RPS6KC1: variants seen among roughly 807,000 people sequenced by gnomAD.
The protein encoded by RPS6KC1 is ribosomal protein S6 kinase C1, also known as inactive ribosomal protein S6 kinase delta-1.
In RPS6KC1, 54 loss-of-function variants were observed where a neutral mutation model predicts 103.8. The observed-to-expected ratio is 0.52, with a 90% CI of 0.42 to 0.65. The LOEUF (loss-of-function observed/expected upper bound fraction) is 0.65. RPS6KC1 is among the 30% of genes least tolerant of loss of function. The probability of loss-of-function intolerance (pLI) is 0.00; values close to 1 mark genes in which losing one functional copy is unlikely to be tolerated. For missense variants in RPS6KC1, 1,151 were observed against 1,253.8 expected, an observed-to-expected ratio of 0.92 and a Z score of 1.24; for synonymous variants, 439 against 438.7, an observed-to-expected ratio of 1.00 and a Z score of -0.01.
the RPS6KC1 span, among the ~76,000 whole-genome samples, chr1:213,516,005 T>A: frequency 2.0e-5 from 3 of 152,068 alleles, no homozygotes; most frequent in African/African-American, 4.8e-5. Flanking sequence ...GTGAATGGGA[T>A]TTCACTCATG....
rs780338157 is a variant in RPS6KC1 at position 213,167,981 on chromosome 1, T to C, written c.951+8T>C. The C allele has an allele frequency of 3.2e-6, 5 of 1,567,244 alleles. No individual in the cohort carries two copies. Among genetic ancestry groups the C allele is most frequent in the African/African-American group, 2.7e-5 (2 of 73,920 alleles). On this transcript the variant is annotated splice_region_variant and intron_variant, in intron 7 of 14. Coordinates refer to ENST00000366960, the MANE Select transcript of RPS6KC1 (RefSeq NM_012424.6). ...CTTGATGATGTATCTCAGGTATGTCTCATATTTTGTTGTGTGTTTTCTTCA... is the reference window on the plus strand; with the variant it reads ...CTTGATGATGTATCTCAGGTATGTCCCATATTTTGTTGTGTGTTTTCTTCA...
the RPS6KC1 span, among the ~76,000 whole-genome samples, chr1:213,503,125 TG>T: frequency 2.6e-5 from 4 of 152,080 alleles, no homozygotes; most frequent in African/African-American, 9.7e-5. Flanking sequence ...TTTTTCTCTA[TG>T]GCTGTTCCAT....
chr1:213,353,021 C>G, the RPS6KC1 span, among the ~76,000 whole-genome samples: 5 of 152,232 alleles, frequency 3.3e-5, no homozygotes, highest in Non-Finnish European at 5.9e-5. Flanking sequence ...GGGCTCTCCT[C>G]AGGCATTTAC....
At chr1:213,808,832 T>C in the RPS6KC1 span, among the ~76,000 whole-genome samples, 2 of 152,160 alleles carry the variant, frequency 1.3e-5, no homozygotes, top group Non-Finnish European at 2.9e-5. Context: ...ATGAACCCGG[T>C]ACCTCAGATG....
At chr1:213,745,163 G>A in the RPS6KC1 span, among the ~76,000 whole-genome samples, 1 of 151,922 alleles carries the variant, frequency 6.6e-6, no homozygotes, top group South Asian at 2.1e-4. Flanking sequence ...CATTCTGATG[G>A]AAGAAAAATA....
At chr1:213,830,647 T>C in the RPS6KC1 span, among the ~76,000 whole-genome samples, 1 of 131,114 alleles carries the variant, frequency 7.6e-6, no homozygotes, top group Non-Finnish European at 1.6e-5. Flanking sequence ...TAAATGACAA[T>C]AGAAAGGTCC....
At chr1:213,535,143 A>G in the RPS6KC1 span, among the ~76,000 whole-genome samples, 3 of 152,332 alleles carry the variant, frequency 2.0e-5, no homozygotes, top group East Asian at 3.9e-4. Flanking sequence ...TCCTCTTTAG[A>G]CATTGGGCCC....
the RPS6KC1 span, among the ~76,000 whole-genome samples, chr1:213,332,284 A>C: frequency 6.6e-6 from 1 of 152,342 alleles, no homozygotes; most frequent in Admixed American, 6.5e-5. Flanking sequence ...GGTTGAATTC[A>C]GTGTATTAAG....
intron 8 of RPS6KC1, among the ~76,000 whole-genome samples, chr1:213,220,305 T>G (rs1382860681): frequency 6.6e-6 from 1 of 152,188 alleles, no homozygotes; most frequent in Non-Finnish European, 1.5e-5. Context: ...AGATCAGAAT[T>G]AACACAAAAA....
At chr1:213,833,997 T>C in the RPS6KC1 span, among the ~76,000 whole-genome samples, 1 of 152,206 alleles carries the variant, frequency 6.6e-6, no homozygotes, top group African/African-American at 2.4e-5. Context: ...AAAATGAGGT[T>C]AAATAAATTA....
At chr1:213,644,944 G>T in the RPS6KC1 span, among the ~76,000 whole-genome samples, 339 of 152,276 alleles carry the variant, frequency 2.2e-3, 1 homozygote, top group African/African-American at 7.8e-3. Flanking sequence ...TTATTGAAGG[G>T]CATTGTTACT....
chr1:213,318,711 A>G, the RPS6KC1 span, among the ~76,000 whole-genome samples: 1 of 151,302 alleles, frequency 6.6e-6, no homozygotes, highest in Admixed American at 6.6e-5. Context: ...GTGCAGGGAA[A>G]CTCCCCCTTC....
the RPS6KC1 span, among the ~76,000 whole-genome samples, chr1:213,693,493 A>T: frequency 6.6e-6 from 1 of 152,320 alleles, no homozygotes; most frequent in Non-Finnish European, 1.5e-5. Context: ...ACATTCAGTG[A>T]TTGACAAGGC....
At chr1:213,248,326 C>T (rs1003090091) in intron 12 of RPS6KC1, among the ~76,000 whole-genome samples, 7 of 152,052 alleles carry the variant, frequency 4.6e-5, no homozygotes, top group African/African-American at 1.7e-4. Flanking sequence ...TACCCTTAAG[C>T]AAAACTTCAG....
intron 3 of RPS6KC1, among the ~76,000 whole-genome samples, chr1:213,097,437 CA>C (rs1256078489): frequency 6.6e-6 from 1 of 152,208 alleles, no homozygotes; most frequent in East Asian, 1.9e-4. Context: ...ATGCTATTAA[CA>C]GATGCACTGT....
chr1:213,697,446 T>C, the RPS6KC1 span, among the ~76,000 whole-genome samples: 1 of 152,234 alleles, frequency 6.6e-6, no homozygotes, highest in Non-Finnish European at 1.5e-5. Context: ...TTGGAGTGGG[T>C]TACTGAAGAG....
the RPS6KC1 span, among the ~76,000 whole-genome samples, chr1:213,347,193 G>A: frequency 1.3e-5 from 2 of 152,170 alleles, no homozygotes. Flanking sequence ...CTAGCAAGGA[G>A]TTGGATGCAA....
At chr1:213,567,867 G>A in the RPS6KC1 span, among the ~76,000 whole-genome samples, 7 of 152,132 alleles carry the variant, frequency 4.6e-5, no homozygotes, top group African/African-American at 1.7e-4. Context: ...CCCATCCCTG[G>A]CCTGGGAAAG....
At chr1:213,141,948 CTGTCT>C (rs1289102437) in intron 6 of RPS6KC1, among the ~76,000 whole-genome samples, 1 of 151,626 alleles carries the variant, frequency 6.6e-6, no homozygotes, top group Non-Finnish European at 1.5e-5. Context: ...CCTCAATTAT[CTGTCT>C]AGTTCTGTCA....
Sources: allele counts gnomAD v4.1 joint callset (sites outside exome capture counted in the v4.1 genomes callset), GRCh38; gene constraint gnomAD v4.1.1; transcripts MANE v1.5; gene names NCBI Gene and HGNC (gene_info 2026-07-23, HGNC 2026-07-21).